Variants in PARD6B observed in about 807,000 individuals in gnomAD.
PARD6B encodes the protein par-6 family cell polarity regulator beta.
A neutral mutation model predicts 10.5 loss-of-function variants in PARD6B; 4 were observed. That is an observed-to-expected ratio of 0.38 (90% CI 0.19 to 0.87). PARD6B has a LOEUF of 0.87. PARD6B is among the 40% of genes least tolerant of loss of function. The pLI is 0.41. For synonymous variants in PARD6B, 169 were observed against 170.4 expected (o/e 0.99, Z 0.07); for missense variants, 396 against 470.6 (o/e 0.84, Z 1.47).
At position 50,750,472 on chromosome 20, in the gene PARD6B, C is replaced by G; in HGVS notation, c.1103C>G (p.Thr368Arg). 5.0e-6 allele frequency: 8 copies of G among 1,612,082 alleles called. No individual in the cohort carries two copies. Among genetic ancestry groups the G allele is most frequent in the Non-Finnish European group, 6.8e-6 (8 of 1,178,824 alleles). Residue 368 changes from threonine (T) to arginine (R), a missense_variant, in exon 3 of 3, where the codon ACA (threonine) becomes AGA (arginine). Thr to Arg is a moderately conservative substitution (Grantham distance 71). Transcript: ENST00000371610. ...CAAAAACTCTTAGAAGAAGATGGAA[C>G]AATCATAACATTATGAAACCGTGGT... ...PDQKLLEEDG[T>R]IITL
At position 50,750,969 on chromosome 20, in the gene PARD6B, T is replaced by C; in HGVS notation, c.*481T>C. On this transcript the variant is annotated 3_prime_UTR_variant, in exon 3 of 3. Coordinates refer to ENST00000371610, the MANE Select transcript of PARD6B (RefSeq NM_032521.3). The stretch of plus-strand genomic sequence containing the variant: ...TTTTATTTTGATTTTTTTTTTTTTT[T>C]TTTTTTTTTTTTTTTTTAGTGACTG... The C allele has an allele frequency of 2.1e-6, 1 of 475,680 alleles. No homozygotes were observed. The highest frequency in any genetic ancestry group is 2.5e-6 in the Non-Finnish European group (1 of 399,582). 29.5% of individuals were successfully genotyped at this position (475,680 alleles called of 1,614,324 possible).
At chr20:50,737,681 T>C (rs1439700399) in intron 1 of PARD6B, among the ~76,000 whole-genome samples, 176 bp from the exon 2 acceptor site, 2 of 152,214 alleles carry the variant, frequency 1.3e-5, no homozygotes, top group East Asian at 3.8e-4. Context: ...AGGCACATTC[T>C]TGTGCCTTTC....
At chr20:50,744,095 G>C (rs1225818208) in intron 2 of PARD6B, among the ~76,000 whole-genome samples, 1 of 142,920 alleles carries the variant, frequency 7.0e-6, no homozygotes, top group East Asian at 2.1e-4. Flanking sequence ...CAAATTTACT[G>C]AAGTAGCTTC....
chr20:50,748,917 TACTCC>T (rs1236618918), intron 2 of PARD6B, among the ~76,000 whole-genome samples: 1 of 152,134 alleles, frequency 6.6e-6, no homozygotes, highest in Non-Finnish European at 1.5e-5. Context: ...CTCTCACCTG[TACTCC>T]TAGCACATTG....
At chr20:50,738,103 T>C in intron 2 of PARD6B, 24 bp downstream of exon 2, 1 of 1,515,234 alleles carries the variant, frequency 6.6e-7, no homozygotes, top group Non-Finnish European at 8.9e-7. Context: ...TTTAGAAAAA[T>C]TGTGTTAGAA....
At chr20:50,734,509 C>CTTATTTATTTATTTATTTAT (rs200306022) in intron 1 of PARD6B, among the ~76,000 whole-genome samples, 8 of 150,488 alleles carry the variant, frequency 5.3e-5, no homozygotes, top group African/African-American at 2.0e-4. Flanking sequence ...CTACACCCAG[C>CTTATTTATTTATTTATTTAT]TTATTTATTT....
Position 50,753,073 on chromosome 20 carries a change from CTCTTTT to C in PARD6B, c.*2587_*2592del, listed in dbSNP as rs904646774. ...AAAAATATTTTTACACACTACCTCT[CTCTTTT>C]TTTTTTTAAAGTTTTAACATCAGAA... On this transcript the variant is annotated 3_prime_UTR_variant, in exon 3 of 3. Transcript: ENST00000371610. 4.1e-6 allele frequency: 4 copies of C among 966,276 alleles called. No homozygotes were observed. The highest frequency in any genetic ancestry group is 4.8e-5 in the South Asian group (1 of 20,994). The allele number at this position is 966,276 out of a possible 1,614,324, so 59.9% of individuals were successfully genotyped here.
Position 50,749,681 on chromosome 20 carries a change from T to C in PARD6B, c.312T>C (p.Phe104=), listed in dbSNP as rs2087588637. 1.9e-6 allele frequency: 3 copies of C among 1,598,574 alleles called. No homozygotes were observed. The highest frequency in any genetic ancestry group is 2.6e-6 in the Non-Finnish European group (3 of 1,175,330). Residue 104 remains phenylalanine (F), a synonymous_variant, in exon 3 of 3, where the codon TTT becomes TTC. Coordinates refer to ENST00000371610, the MANE Select transcript of PARD6B (RefSeq NM_032521.3). ...CAGAAGAAGCAGACTACAGTGCCTT[T>C]GGTACAGACACGCTAATAAAGAAGA... The part of the protein sequence containing the change: ...QKKEEADYSA[F]GTDTLIKKKN...
In PARD6B at chr20:50,753,086, T is replaced by TA. The variant is rs2087623755; in HGVS notation, c.*2601dup. 1.8e-5 allele frequency: 18 copies of TA among 982,476 alleles called. No individual in the cohort carries two copies. Among genetic ancestry groups the TA allele is most frequent in the Non-Finnish European group, 2.2e-5 (18 of 827,204 alleles). The allele number at this position is 982,476 out of a possible 1,614,324, so 60.9% of individuals were successfully genotyped here. A position where few individuals can be genotyped will look rare whatever the true frequency, so the allele number is the denominator to read the frequency against. Reference sequence around the variant, plus strand: ...CACACTACCTCTCTCTTTTTTTTTTTAAAGTTTTAACATCAGAACTTTTGG... The same window carrying TA: ...CACACTACCTCTCTCTTTTTTTTTTTAAAAGTTTTAACATCAGAACTTTTGG... On this transcript the variant is annotated 3_prime_UTR_variant, in exon 3 of 3. Coordinates refer to ENST00000371610, the MANE Select transcript of PARD6B (RefSeq NM_032521.3).
intron 2 of PARD6B, among the ~76,000 whole-genome samples, chr20:50,744,240 G>A (rs1438056451): frequency 1.3e-5 from 2 of 148,526 alleles, no homozygotes; most frequent in Non-Finnish European, 3.0e-5. Context: ...TCATCCTCCC[G>A]AGTAGGTGGG....
At chr20:50,739,845 G>A (rs980288851) in intron 2 of PARD6B, among the ~76,000 whole-genome samples, 1 of 31,114 alleles carries the variant, frequency 3.2e-5, no homozygotes, top group African/African-American at 1.1e-4. Flanking sequence ...GAAGTGAGGA[G>A]ACTGGCCTAG....
chr20:50,747,467 CTTTTTCTT>C (rs2087574035), intron 2 of PARD6B, among the ~76,000 whole-genome samples: 1 of 40,458 alleles, frequency 2.5e-5, no homozygotes, highest in African/African-American at 9.2e-5. Flanking sequence ...CTTTTCTTTT[CTTTTTCTT>C]TTTTTCTTTC....
Position 50,752,677 on chromosome 20 carries a change from G to A in PARD6B, c.*2189G>A. The A allele has an allele frequency of 1.0e-6, 1 of 977,100 alleles. No homozygotes were observed. Among genetic ancestry groups the A allele is most frequent in the Non-Finnish European group, 1.2e-6 (1 of 821,958 alleles). 60.5% of individuals were successfully genotyped at this position (977,100 alleles called of 1,614,324 possible). ...GTATGAATACCTTTTTAACAATTGT[G>A]TGCTATTACAACAATGAAGATTCAA... On this transcript the variant is annotated 3_prime_UTR_variant, in exon 3 of 3. Transcript: ENST00000371610.
At chr20:50,744,072 G>GC (rs930804834) in intron 2 of PARD6B, among the ~76,000 whole-genome samples, 2 of 148,154 alleles carry the variant, frequency 1.3e-5, no homozygotes, top group African/African-American at 5.0e-5. Context: ...TCTGCTCCAG[G>GC]CCAGGTGCCA....
At chr20:50,733,461 C>T (rs556018783) in intron 1 of PARD6B, among the ~76,000 whole-genome samples, 14 of 152,242 alleles carry the variant, frequency 9.2e-5, no homozygotes, top group African/African-American at 3.4e-4. Context: ...AACGGCTTGG[C>T]ACTTACATGA....
At chr20:50,747,485 C>CTTTTTTTTTTT (rs2087574374) in intron 2 of PARD6B, among the ~76,000 whole-genome samples, 2 of 35,934 alleles carry the variant, frequency 5.6e-5, no homozygotes, top group African/African-American at 1.0e-4. Context: ...TTTTTTCTTT[C>CTTTTTTTTTTT]TTTCTTTTTT....
intron 2 of PARD6B, among the ~76,000 whole-genome samples, chr20:50,743,072 T>C (rs868222836): frequency 3.9e-5 from 6 of 152,208 alleles, no homozygotes; most frequent in Non-Finnish European, 8.8e-5. Context: ...AGGTTATTGC[T>C]GTGCACTAAA....
intron 2 of PARD6B, among the ~76,000 whole-genome samples, chr20:50,747,280 A>G (rs1466251862): frequency 6.6e-6 from 1 of 152,128 alleles, no homozygotes; most frequent in Non-Finnish European, 1.5e-5. Flanking sequence ...TTGGTTATAA[A>G]GTGAAGATGA....
In PARD6B at chr20:50,750,141, A is replaced by G. The variant is rs747306195; in HGVS notation, c.772A>G (p.Asn258Asp). The G allele has an allele frequency of 6.2e-7, 1 of 1,614,258 alleles. No individual in the cohort carries two copies. Among genetic ancestry groups the G allele is most frequent in the Non-Finnish European group, 8.5e-7 (1 of 1,180,052 alleles). The change falls in exon 3 of 3, where the codon AAC becomes GAC. Residue 258 changes from asparagine to aspartate, a missense_variant. Asn to Asp is a conservative substitution (Grantham distance 23). This residue lies in a region of PARD6B where 188 missense variants were observed against 169.7 expected (regional missense o/e 1.11). Transcript: ENST00000371610. Reference sequence around the variant, plus strand: ...AAACCAGAGGAATAATGTTGTGAGGAACAGTCGGACTTCTGGCAGTTCCGG... The same window carrying G: ...AAACCAGAGGAATAATGTTGTGAGGGACAGTCGGACTTCTGGCAGTTCCGG... ...PANQRNNVVR[N>D]SRTSGSSGQS...
Sources: allele counts gnomAD v4.1 joint callset (sites outside exome capture counted in the v4.1 genomes callset), GRCh38; gene constraint gnomAD v4.1.1; regional missense constraint gnomAD v4.1.1; transcripts MANE v1.5; gene names NCBI Gene and HGNC (gene_info 2026-07-23, HGNC 2026-07-21).